EPB41L4A: variants seen among roughly 807,000 people sequenced by gnomAD.
EPB41L4A encodes band 4.1-like protein 4A.
Under a neutral mutation model 108.6 loss-of-function variants are expected in EPB41L4A, and 100 were observed. That is an observed-to-expected ratio of 0.92 (90% CI 0.78 to 1.09). The LOEUF (loss-of-function observed/expected upper bound fraction) is 1.09, where lower values mean the gene tolerates loss of function less well. Among genes scored for constraint, EPB41L4A ranks in the 50% least tolerant of loss-of-function variants. The probability of loss-of-function intolerance (pLI) is 0.00; values close to 1 mark genes in which losing one functional copy is unlikely to be tolerated. For missense variants in EPB41L4A, 1,030 were observed against 842.7 expected, an observed-to-expected ratio of 1.22 and a Z score of -2.75; for synonymous variants, 319 against 289.0, an observed-to-expected ratio of 1.10 and a Z score of -1.05.
At chr5:112,418,693 C>A (rs759534677) in intron 1 of EPB41L4A, among the ~76,000 whole-genome samples, 2 of 152,152 alleles carry the variant, frequency 1.3e-5, no homozygotes, top group Non-Finnish European at 2.9e-5. Context: ...TTTTGGGGTG[C>A]TGCTGGGAGC....
intron 21 of EPB41L4A, 69 bp from the exon 22 acceptor site, chr5:112,168,889 A>C: frequency 6.6e-7 from 1 of 1,506,364 alleles, no homozygotes; most frequent in Non-Finnish European, 9.2e-7. Context: ...GTTGGAAGAG[A>C]ACTACAGTGT....
chr5:112,153,555 G>GA (rs1203319011), intron 12 of EPB41L4A, among the ~76,000 whole-genome samples: 1 of 141,594 alleles, frequency 7.1e-6, no homozygotes, highest in Non-Finnish European at 1.5e-5. Context: ...AAAAGAAAAA[G>GA]AAAAAATATA....
upstream of EPB41L4A, chr5:112,419,291 G>A (rs964556003): frequency 2.9e-5 from 11 of 373,556 alleles, no homozygotes; most frequent in Admixed American, 2.4e-4. Flanking sequence ...CGCGGAGGGC[G>A]GTGGCGCGTC....
chr5:112,161,776 G>A, downstream of EPB41L4A: 1 of 380,772 alleles, frequency 2.6e-6, no homozygotes, highest in Non-Finnish European at 5.3e-6. Context: ...TGACCTGAAG[G>A]TAGGGTGATA....
chr5:112,325,329 T>C (rs1756077203), intron 1 of EPB41L4A, among the ~76,000 whole-genome samples: 1 of 151,766 alleles, frequency 6.6e-6, no homozygotes, highest in East Asian at 1.9e-4. Context: ...TAGTCCCAGC[T>C]ACTTGGGAGG....
intron 1 of EPB41L4A, among the ~76,000 whole-genome samples, chr5:112,385,665 C>G (rs1760472391): frequency 6.6e-6 from 1 of 152,138 alleles, no homozygotes; most frequent in African/African-American, 2.4e-5. Context: ...AGCCTCAAAT[C>G]TGGAACATGT....
rs142459458 is a variant in EPB41L4A at position 112,242,523 on chromosome 5, G to T, written c.796-1713C>A. 2.2e-3 allele frequency among the ~76,000 whole-genome samples: 330 copies of T among 152,268 alleles called. 1 individual carries two copies. Among genetic ancestry groups the T allele is most frequent in the African/African-American group, 7.6e-3 (316 of 41,560 alleles). ...TCACTGAAGTCTTGGACCCCTCAAA[G>T]TCATCGTGGGGGTAGAAATCATCTT... is the stretch of plus-strand genomic sequence containing the variant. On this transcript the variant is annotated intron_variant, in intron 9 of 22. Transcript: ENST00000261486.
At chr5:112,321,654 T>G (rs1402795620) in intron 1 of EPB41L4A, among the ~76,000 whole-genome samples, 1 of 152,210 alleles carries the variant, frequency 6.6e-6, no homozygotes, top group Non-Finnish European at 1.5e-5. Context: ...CTGGTCTTAA[T>G]GTACCACAAC....
intron 5 of EPB41L4A, among the ~76,000 whole-genome samples, chr5:112,265,597 C>G (rs1163188281): frequency 1.3e-5 from 2 of 152,210 alleles, no homozygotes; most frequent in Non-Finnish European, 2.9e-5. Flanking sequence ...TGACATTTTT[C>G]CTAGCATATT....
intron 12 of EPB41L4A, among the ~76,000 whole-genome samples, chr5:112,232,128 AAGAGAGAG>A (rs1170094950): frequency 4.8e-5 from 7 of 145,380 alleles, no homozygotes; most frequent in African/African-American, 7.7e-5. Flanking sequence ...AAAAAAAAAA[AAGAGAGAG>A]AGAGAGAGAG....
At chr5:112,377,406 T>C (rs1759888742) in intron 1 of EPB41L4A, among the ~76,000 whole-genome samples, 1 of 152,118 alleles carries the variant, frequency 6.6e-6, no homozygotes, top group African/African-American at 2.4e-5. Context: ...ATGTGAATTA[T>C]CTCAAAATAG....
intron 17 of EPB41L4A, among the ~76,000 whole-genome samples, chr5:112,190,392 C>A (rs966005674): frequency 7.9e-5 from 12 of 152,050 alleles, no homozygotes; most frequent in African/African-American, 2.2e-4. Context: ...CACTTGACGC[C>A]CACATACAAT....
chr5:112,412,604 T>C (rs903538289), intron 1 of EPB41L4A, among the ~76,000 whole-genome samples: 8 of 152,222 alleles, frequency 5.3e-5, no homozygotes, highest in Non-Finnish European at 1.2e-4. Context: ...CCAGGACATG[T>C]GATAACAGGT....
intron 12 of EPB41L4A, among the ~76,000 whole-genome samples, chr5:112,156,239 A>G (rs529435568): frequency 6.6e-6 from 1 of 152,342 alleles, no homozygotes; most frequent in South Asian, 2.1e-4. Flanking sequence ...AACCCAACAA[A>G]CAATAAGAAA....
At chr5:112,152,725 C>A (rs567436459) in intron 12 of EPB41L4A, among the ~76,000 whole-genome samples, 265 of 151,308 alleles carry the variant, frequency 1.8e-3, no homozygotes, top group Middle Eastern at 6.9e-3. Flanking sequence ...TATAAGGACA[C>A]AAAAATGGAA....
intron 1 of EPB41L4A, among the ~76,000 whole-genome samples, chr5:112,405,905 A>G (rs182051146): frequency 5.1e-4 from 77 of 152,292 alleles, no homozygotes; most frequent in Non-Finnish European, 9.1e-4. Flanking sequence ...TTATTTCACT[A>G]TCCCACCAGA....
intron 1 of EPB41L4A, among the ~76,000 whole-genome samples, chr5:112,327,543 C>T (rs192193012): frequency 1.9e-3 from 295 of 152,046 alleles, no homozygotes; most frequent in Non-Finnish European, 3.2e-3. Flanking sequence ...CTGCAAGATC[C>T]CATCTCTACA....
intron 2 of EPB41L4A, among the ~76,000 whole-genome samples, chr5:112,292,477 G>C (rs1448430870): frequency 6.6e-6 from 1 of 151,958 alleles, no homozygotes. Context: ...AGTCCAGAAG[G>C]GAAAGTAGGT....
chr5:112,358,138 T>C (rs1406283044), intron 1 of EPB41L4A, among the ~76,000 whole-genome samples: 1 of 152,246 alleles, frequency 6.6e-6, no homozygotes, highest in Admixed American at 6.5e-5. Flanking sequence ...GATGGCAACA[T>C]TCCCCTGGAA....
Sources: gnomAD v4.1 joint callset for allele counts (sites outside exome capture counted in the v4.1 genomes callset) on GRCh38, gnomAD v4.1.1 for gene constraint, MANE v1.5 for transcripts, NCBI Gene and HGNC (gene_info 2026-07-23, HGNC 2026-07-21) for gene names.